Variants in PRR5L observed in about 807,000 individuals in gnomAD.
The protein encoded by PRR5L is proline-rich protein 5-like.
A neutral mutation model predicts 36.4 loss-of-function variants in PRR5L; 21 were observed. The ratio of observed to expected loss-of-function variants is 0.58; its 90% CI spans 0.41 to 0.83. The LOEUF (loss-of-function observed/expected upper bound fraction) is 0.83, where lower values mean the gene tolerates loss of function less well. Ranked by LOEUF, PRR5L falls within the 40% of genes least tolerant of loss-of-function variation. The pLI, the probability that PRR5L is intolerant of heterozygous loss-of-function variation, is 0.00. For synonymous variants in PRR5L, 188 were observed against 197.0 expected, an observed-to-expected ratio of 0.95 and a Z score of 0.38; for missense variants, 381 against 473.3, an observed-to-expected ratio of 0.80 and a Z score of 1.81.
At chr11:36,362,955 G>T (rs1281563016) in intron 1 of PRR5L, among the ~76,000 whole-genome samples, 1 of 152,102 alleles carries the variant, frequency 6.6e-6, no homozygotes, top group Non-Finnish European at 1.5e-5. Flanking sequence ...AGGGGAAGTG[G>T]GTATTTCTAA....
chr11:36,329,592 AG>A (rs1856698747), intron 1 of PRR5L, among the ~76,000 whole-genome samples: 1 of 152,222 alleles, frequency 6.6e-6, no homozygotes, highest in Admixed American at 6.5e-5. Context: ...TTTATAAATA[AG>A]TCATCTCATT....
chr11:36,311,795 C>T (rs1167052623), intron 1 of PRR5L, among the ~76,000 whole-genome samples: 1 of 152,120 alleles, frequency 6.6e-6, no homozygotes, highest in African/African-American at 2.4e-5. Flanking sequence ...TCTCTGAGCT[C>T]TAGCCAATTG....
At chr11:36,401,362 G>A (rs113399672) in intron 2 of PRR5L, 77 bp downstream of exon 2, 16 of 1,401,414 alleles carry the variant, frequency 1.1e-5, no homozygotes, top group African/African-American at 1.1e-4. Context: ...GGGGCTGACT[G>A]AGCTTCTGCT....
Position 36,326,827 on chromosome 11 carries a change from A to G in PRR5L, c.-126+30389A>G, listed in dbSNP as rs1399687593. Among the ~76,000 whole-genome samples the G allele has an allele frequency of 2.0e-5, 3 of 152,172 alleles. No individual in the cohort carries two copies. In the South Asian group the frequency reaches 6.2e-4, roughly 31 times the overall value. On this transcript the variant is annotated intron_variant, in intron 1 of 8. Coordinates refer to ENST00000530639, the MANE Select transcript of PRR5L (RefSeq NM_001160167.2). ...AATCTAAACCAGTCTTAAGAACCCAATTAAATATCATGGTAAGTGGTTGTT... is the reference window on the plus strand; with the variant it reads ...AATCTAAACCAGTCTTAAGAACCCAGTTAAATATCATGGTAAGTGGTTGTT...
chr11:36,309,965 A>G (rs374646928), intron 1 of PRR5L, among the ~76,000 whole-genome samples: 2,436 of 144,082 alleles, frequency 0.017, no homozygotes, highest in Non-Finnish European at 0.023. Context: ...CATCCCCACT[A>G]CCACCACCAC....
chr11:36,351,709 ATT>A (rs1856974136), intron 1 of PRR5L, among the ~76,000 whole-genome samples: 1 of 106,770 alleles, frequency 9.4e-6, no homozygotes, highest in Non-Finnish European at 1.7e-5. Context: ...TTATATATTT[ATT>A]TATATATTTA....
In PRR5L at chr11:36,319,411, G is replaced by A. The variant is rs116455792; in HGVS notation, c.-126+22973G>A. Among the ~76,000 whole-genome samples, 1,208 of 152,322 alleles carry A rather than the reference G, an allele frequency of 7.9e-3. 21 individuals are homozygous for A. The highest frequency in any genetic ancestry group is 0.027 in the African/African-American group (1,143 of 41,566). ...TGTCATCTGAGTCCCTTGATCTAGC[G>A]GCACCTGACTTTTAATCTACCTAAG... On this transcript the variant is annotated intron_variant, in intron 1 of 8. Transcript: ENST00000530639.
At chr11:36,373,067 C>T (rs1230689446) in intron 1 of PRR5L, among the ~76,000 whole-genome samples, 1 of 151,908 alleles carries the variant, frequency 6.6e-6, no homozygotes, top group Non-Finnish European at 1.5e-5. Flanking sequence ...AAAATTTTCA[C>T]AGCACAAATC....
intron 7 of PRR5L, 45 bp downstream of exon 7, chr11:36,446,485 G>A (rs376119167): frequency 8.3e-5 from 133 of 1,605,352 alleles, no homozygotes; most frequent in Middle Eastern, 3.5e-4. Flanking sequence ...GGGAGGGAGC[G>A]AGGGAAGAGA....
At chr11:36,305,425 T>C (rs1287987923) in intron 1 of PRR5L, among the ~76,000 whole-genome samples, 1 of 152,214 alleles carries the variant, frequency 6.6e-6, no homozygotes, top group Non-Finnish European at 1.5e-5. Flanking sequence ...TGAAGTTTCC[T>C]TTTTGGGGTG....
chr11:36,353,160 C>T (rs954180990), intron 1 of PRR5L, among the ~76,000 whole-genome samples: 5 of 152,076 alleles, frequency 3.3e-5, no homozygotes, highest in Admixed American at 6.5e-5. Flanking sequence ...GTCATATGTT[C>T]GGCAGCATCC....
chr11:36,379,195 T>C, intron 1 of PRR5L, among the ~76,000 whole-genome samples: 1 of 152,252 alleles, frequency 6.6e-6, no homozygotes, highest in East Asian at 1.9e-4. Context: ...ATTAAAGCCA[T>C]TTATCTGTAG....
intron 8 of PRR5L, among the ~76,000 whole-genome samples, chr11:36,460,377 T>C (rs1859154449): frequency 6.6e-6 from 1 of 152,094 alleles, no homozygotes; most frequent in African/African-American, 2.4e-5. Flanking sequence ...CTCTGCATCC[T>C]CCCCATCCTT....
At chr11:36,391,507 C>T (rs961458431) in intron 1 of PRR5L, among the ~76,000 whole-genome samples, 5 of 152,208 alleles carry the variant, frequency 3.3e-5, no homozygotes, top group African/African-American at 4.8e-5. Context: ...CCGAATTTCC[C>T]GGACCCAGGG....
intron 4 of PRR5L, among the ~76,000 whole-genome samples, chr11:36,431,568 C>A (rs573038716): frequency 2.6e-5 from 4 of 152,052 alleles, no homozygotes; most frequent in Non-Finnish European, 5.9e-5. Context: ...TCAACAATAG[C>A]GAATTCATCC....
At chr11:36,307,307 TA>T (rs1235130203) in intron 1 of PRR5L, among the ~76,000 whole-genome samples, 3 of 152,212 alleles carry the variant, frequency 2.0e-5, no homozygotes, top group Admixed American at 2.0e-4. Context: ...TTAAGGAAAT[TA>T]AGCAGCTTAC....
At chr11:36,336,551 T>A (rs1225178451) in intron 1 of PRR5L, among the ~76,000 whole-genome samples, 1 of 117,350 alleles carries the variant, frequency 8.5e-6, no homozygotes, top group Non-Finnish European at 1.9e-5. Context: ...TTTTTTTTTT[T>A]AAGGTATAAT....
chr11:36,341,203 C>A (rs899339783), intron 1 of PRR5L, among the ~76,000 whole-genome samples: 1 of 152,154 alleles, frequency 6.6e-6, no homozygotes, highest in Non-Finnish European at 1.5e-5. Context: ...ATAAATGGAG[C>A]CTGTCACACA....
intron 1 of PRR5L, among the ~76,000 whole-genome samples, chr11:36,345,763 A>C (rs376219085): frequency 6.6e-5 from 10 of 152,088 alleles, no homozygotes; most frequent in African/African-American, 2.2e-4. Flanking sequence ...GTTTAGTGGG[A>C]GGTGTGGGTA....
Sources: allele counts gnomAD v4.1 joint callset (sites outside exome capture counted in the v4.1 genomes callset), GRCh38; gene constraint gnomAD v4.1.1; transcripts MANE v1.5; gene names NCBI Gene and HGNC (gene_info 2026-07-23, HGNC 2026-07-21).